Variants in NEGR1 observed in about 807,000 individuals in gnomAD.
The protein encoded by NEGR1 is neuronal growth regulator 1, also known as IgLON family member 4.
Under a neutral mutation model 40.9 loss-of-function variants are expected in NEGR1, and 10 were observed. The observed-to-expected ratio is 0.24, with a 90% CI of 0.15 to 0.42. The LOEUF (loss-of-function observed/expected upper bound fraction) is 0.42, where lower values mean the gene tolerates loss of function less well. Ranked by LOEUF, NEGR1 falls within the 10% of genes least tolerant of loss-of-function variation. The pLI is 1.00. For synonymous variants in NEGR1, 185 were observed against 166.8 expected, an observed-to-expected ratio of 1.11 and a Z score of -0.84; for missense variants, 352 against 438.9, an observed-to-expected ratio of 0.80 and a Z score of 1.77.
chr1:71,506,156 A>G (rs899385675), intron 6 of NEGR1, among the ~76,000 whole-genome samples: 3 of 152,208 alleles, frequency 2.0e-5, no homozygotes, highest in Admixed American at 2.0e-4. Flanking sequence ...AAGACAAAAA[A>G]TCTGTATCTC....
intron 1 of NEGR1, among the ~76,000 whole-genome samples, chr1:72,239,049 G>C (rs926839855): frequency 6.6e-6 from 1 of 151,774 alleles, no homozygotes; most frequent in African/African-American, 2.4e-5. Flanking sequence ...ACTATTGAGA[G>C]ATATCTTACT....
rs547682380 is a variant in NEGR1 at position 72,180,186 on chromosome 1, C to A, written c.176+102133G>T. ...TTTACTGGCACAAAATAGAAACAGT[C>A]CAGTGGAAAAGAATGAAGAGTCAAG... On this transcript the variant is annotated intron_variant, in intron 1 of 6. Coordinates refer to ENST00000357731, the MANE Select transcript of NEGR1 (RefSeq NM_173808.3). Among the ~76,000 whole-genome samples the A allele has an allele frequency of 4.0e-5, 6 of 151,848 alleles. No individual in the cohort carries two copies. In the South Asian group the frequency reaches 8.3e-4, roughly 21 times the overall value.
intron 2 of NEGR1, among the ~76,000 whole-genome samples, chr1:71,920,552 AT>A (rs1645707999): frequency 6.6e-6 from 1 of 152,118 alleles, no homozygotes. Context: ...TAGTGCACTC[AT>A]TTGCCCCCAA....
At chr1:71,543,292 A>C (rs1318872474) in intron 6 of NEGR1, among the ~76,000 whole-genome samples, 4 of 151,830 alleles carry the variant, frequency 2.6e-5, no homozygotes, top group African/African-American at 7.2e-5. Context: ...ATTCATGGAG[A>C]GTAGTAGTCA....
In NEGR1 at chr1:72,206,403, T is replaced by C. The variant is rs955781587; in HGVS notation, c.176+75916A>G. On this transcript the variant is annotated intron_variant, in intron 1 of 6. Transcript: ENST00000357731. ...AAGAAATACCATGCCCTAAAGTTCA[T>C]TGTAAGTATTCAGTGATATTAATTT... 5.9e-4 allele frequency among the ~76,000 whole-genome samples: 90 copies of C among 152,218 alleles called. 1 individual carries two copies. The highest frequency in any genetic ancestry group is 2.1e-3 in the African/African-American group (87 of 41,568).
chr1:72,274,871 A>G (rs942492338), intron 1 of NEGR1: 25 of 1,593,562 alleles, frequency 1.6e-5, no homozygotes, highest in Non-Finnish European at 2.0e-5. Flanking sequence ...AATGATGCCA[A>G]CTCCTGCCAG....
intron 6 of NEGR1, among the ~76,000 whole-genome samples, chr1:71,479,932 A>G (rs1646843945): frequency 1.3e-5 from 2 of 151,936 alleles, no homozygotes; most frequent in African/African-American, 2.4e-5. Context: ...GCATGCTTTA[A>G]GTACTTGCAC....
chr1:71,570,878 A>T (rs1570046557), intron 6 of NEGR1: 1 of 131,526 alleles, frequency 7.6e-6, no homozygotes, highest in Admixed American at 7.6e-5. Context: ...TGTTGTTGTT[A>T]TTGTGTTTGT....
At chr1:72,067,188 A>G (rs1446819436) in intron 1 of NEGR1, among the ~76,000 whole-genome samples, 1 of 152,124 alleles carries the variant, frequency 6.6e-6, no homozygotes, top group Non-Finnish European at 1.5e-5. Context: ...ATACCTTTTA[A>G]TTTTAAGATT....
At chr1:71,415,193 C>T (rs1159043094) in intron 6 of NEGR1, among the ~76,000 whole-genome samples, 2 of 151,614 alleles carry the variant, frequency 1.3e-5, no homozygotes, top group African/African-American at 4.8e-5. Context: ...TTTTGACAGA[C>T]TGAAACTTGA....
chr1:72,238,602 G>A (rs1654637615), intron 1 of NEGR1, among the ~76,000 whole-genome samples: 1 of 151,732 alleles, frequency 6.6e-6, no homozygotes. Flanking sequence ...ATCCTCCTGA[G>A]GCACCTTCAA....
chr1:72,068,774 A>G (rs1395313162), intron 1 of NEGR1, among the ~76,000 whole-genome samples: 8 of 152,172 alleles, frequency 5.3e-5, no homozygotes, highest in African/African-American at 1.9e-4. Context: ...TTGTCTTACC[A>G]AGAAGATAAA....
intron 4 of NEGR1, among the ~76,000 whole-genome samples, chr1:71,654,474 T>A (rs1651817396): frequency 6.6e-6 from 1 of 152,090 alleles, no homozygotes. Context: ...TTGCACAATA[T>A]TTTTTTCCTA....
intron 3 of NEGR1, among the ~76,000 whole-genome samples, chr1:71,713,986 A>G (rs1218674123): frequency 6.6e-6 from 1 of 152,162 alleles, no homozygotes; most frequent in Admixed American, 6.5e-5. Context: ...GAAAAAAGGA[A>G]ACAGTACCTA....
chr1:71,633,546 C>A (rs977450413), intron 4 of NEGR1, among the ~76,000 whole-genome samples: 7 of 151,882 alleles, frequency 4.6e-5, no homozygotes, highest in Non-Finnish European at 7.4e-5. Flanking sequence ...ACTGGAAAAT[C>A]CTGAGGGAAG....
intron 1 of NEGR1, among the ~76,000 whole-genome samples, chr1:72,200,395 C>T (rs1653160384): frequency 6.6e-6 from 1 of 151,918 alleles, no homozygotes; most frequent in Non-Finnish European, 1.5e-5. Flanking sequence ...GAGCCATTAT[C>T]CAAGCAAACT....
chr1:71,733,488 G>T (rs1654951693), intron 3 of NEGR1, among the ~76,000 whole-genome samples: 1 of 152,128 alleles, frequency 6.6e-6, no homozygotes, highest in Non-Finnish European at 1.5e-5. Context: ...TTGCCATCAT[G>T]CCTCCAGTTT....
At chr1:72,222,248 C>A (rs543743889) in intron 1 of NEGR1, among the ~76,000 whole-genome samples, 1 of 152,274 alleles carries the variant, frequency 6.6e-6, no homozygotes, top group South Asian at 2.1e-4. Context: ...CCCACCCCTG[C>A]AAACCTAAAA....
At chr1:71,959,698 G>T (rs1233941951) in intron 1 of NEGR1, among the ~76,000 whole-genome samples, 1 of 151,788 alleles carries the variant, frequency 6.6e-6, no homozygotes, top group African/African-American at 2.4e-5. Flanking sequence ...TATTTGTCAG[G>T]TTGCCAGGTG....
Sources: gnomAD v4.1 joint callset for allele counts (sites outside exome capture counted in the v4.1 genomes callset) on GRCh38, gnomAD v4.1.1 for gene constraint, MANE v1.5 for transcripts, NCBI Gene and HGNC (gene_info 2026-07-23, HGNC 2026-07-21) for gene names.